KIRREL3: variants seen among roughly 807,000 people sequenced by gnomAD.
KIRREL3 encodes kin of IRRE-like protein 3.
KIRREL3 carries 36 observed loss-of-function variants against 89.7 expected under a neutral mutation model. The observed-to-expected ratio is 0.40, with a 90% CI of 0.31 to 0.53. KIRREL3 has a LOEUF of 0.53. Among genes scored for constraint, KIRREL3 ranks in the 20% least tolerant of loss-of-function variants. The pLI, the probability that KIRREL3 is intolerant of heterozygous loss-of-function variation, is 0.49. For missense variants in KIRREL3, 864 were observed against 1,056.6 expected, an observed-to-expected ratio of 0.82 and a Z score of 2.53; for synonymous variants, 445 against 441.4, an observed-to-expected ratio of 1.01 and a Z score of -0.10.
At chr11:126,494,053 G>A (rs1376755515) in intron 4 of KIRREL3, among the ~76,000 whole-genome samples, 1 of 152,146 alleles carries the variant, frequency 6.6e-6, no homozygotes, top group Non-Finnish European at 1.5e-5. Context: ...AAATCAGAAT[G>A]AATGTAAAAA....
At chr11:126,468,737 C>T (rs1276878203) in intron 5 of KIRREL3, among the ~76,000 whole-genome samples, 2 of 152,248 alleles carry the variant, frequency 1.3e-5, no homozygotes. Flanking sequence ...TTATCCAGTC[C>T]TTACTCCTGC....
chr11:126,833,398 A>G (rs73028458), intron 1 of KIRREL3, among the ~76,000 whole-genome samples: 6,852 of 152,330 alleles, frequency 0.045, 209 homozygotes, highest in Non-Finnish European at 0.065. Context: ...CTGCGCAGCC[A>G]GATGCAACCC....
rs543957153 is a variant in KIRREL3, at chr11:126,700,711, G to C, written c.56-137799C>G. 7.9e-5 allele frequency among the ~76,000 whole-genome samples: 12 copies of C among 152,240 alleles called. No individual in the cohort carries two copies. In the East Asian group the frequency reaches 2.1e-3, roughly 27 times the overall value. Reference sequence around the variant, plus strand: ...AGCCCAGGCATTGTCTTTTCTGTGAGACTCATCCCGCTATTCAGCAGGTGA... The same window carrying C: ...AGCCCAGGCATTGTCTTTTCTGTGACACTCATCCCGCTATTCAGCAGGTGA... On this transcript the variant is annotated intron_variant, in intron 1 of 16. Coordinates refer to ENST00000525144, the MANE Select transcript of KIRREL3 (RefSeq NM_032531.4).
intron 1 of KIRREL3, among the ~76,000 whole-genome samples, chr11:126,629,381 T>G (rs1240315058): frequency 1.3e-5 from 2 of 151,734 alleles, no homozygotes; most frequent in African/African-American, 4.8e-5. Flanking sequence ...AGTGAAGCTC[T>G]GGGGGGAGCT....
At chr11:126,699,948 C>G (rs1446365867) in intron 1 of KIRREL3, among the ~76,000 whole-genome samples, 2 of 152,066 alleles carry the variant, frequency 1.3e-5, no homozygotes, top group African/African-American at 4.8e-5. Context: ...AATCCCAACA[C>G]TTTGGGAGGC....
At position 126,526,647 on chromosome 11, in the gene KIRREL3, C is replaced by T. The variant is rs373309027; in HGVS notation, c.174G>A (p.Val58=). ...YSFSQQPQDQ[V]VVSGQPVTLL... is the part of the protein sequence containing the mutation. Reference sequence around the variant, plus strand: ...GCGTCACTGGCTGTCCCGACACCACCACCTGGTCCTGGGGCTGCTGGCTGA... The same window carrying T: ...GCGTCACTGGCTGTCCCGACACCACTACCTGGTCCTGGGGCTGCTGGCTGA... Residue 58 remains valine (V), a synonymous_variant, in exon 3 of 17, where the codon GTG becomes GTA. Coordinates refer to ENST00000525144, the MANE Select transcript of KIRREL3 (RefSeq NM_032531.4). This position sits in a 1 kb window ranked among gnomAD's most constrained non-coding sequence, Gnocchi z 5.7. 2.8e-4 allele frequency: 439 copies of T among 1,583,124 alleles called. No individual in the cohort carries two copies. The highest frequency in any genetic ancestry group is 3.1e-4 in the Non-Finnish European group (356 of 1,164,750).
Position 126,736,005 on chromosome 11 carries a change from C to T in KIRREL3, c.56-173093G>A, listed in dbSNP as rs1948787437. ...CCAGTTATTACTGCATTTATGAATCCTCAATTAGTCCTGACTTTGCTTGAG... is the reference window on the plus strand; with the variant it reads ...CCAGTTATTACTGCATTTATGAATCTTCAATTAGTCCTGACTTTGCTTGAG... On this transcript the variant is annotated intron_variant, in intron 1 of 16. Transcript: ENST00000525144. The surrounding 1 kb of genome is among the most constrained non-coding windows in gnomAD (Gnocchi z 5.0). Among the ~76,000 whole-genome samples, 1 of 152,186 alleles carries T rather than the reference C, an allele frequency of 6.6e-6. No homozygotes were observed. Among genetic ancestry groups the T allele is most frequent in the Non-Finnish European group, 1.5e-5 (1 of 68,030 alleles).
rs1173081134 is a variant in KIRREL3 at position 126,620,259 on chromosome 11, G to A, written c.56-57347C>T. 6.6e-6 allele frequency among the ~76,000 whole-genome samples: 1 copy of A among 151,640 alleles called. No individual in the cohort carries two copies. The highest frequency in any genetic ancestry group is 1.5e-5 in the Non-Finnish European group (1 of 67,912). ...CCCTTGTTCTTTGAATTGATCCTTG[G>A]ATTCTAGACCCAAGGTGGATTCTAG... On this transcript the variant is annotated intron_variant, in intron 1 of 16. Coordinates refer to ENST00000525144, the MANE Select transcript of KIRREL3 (RefSeq NM_032531.4). The surrounding 1 kb of genome is among the most constrained non-coding windows in gnomAD (Gnocchi z 4.8).
At chr11:126,875,551 G>A (rs1945253936) in intron 1 of KIRREL3, among the ~76,000 whole-genome samples, 4 of 152,212 alleles carry the variant, frequency 2.6e-5, no homozygotes, top group Admixed American at 2.6e-4. Flanking sequence ...AGACATTAGA[G>A]GTGAGCAAGG....
At position 126,550,036 on chromosome 11, in the gene KIRREL3, C is replaced by T. The variant is rs1211452855; in HGVS notation, c.133+12799G>A. On this transcript the variant is annotated intron_variant, in intron 2 of 16. Coordinates refer to ENST00000525144, the MANE Select transcript of KIRREL3 (RefSeq NM_032531.4). The surrounding 1 kb of genome is among the most constrained non-coding windows in gnomAD (Gnocchi z 4.9). ...TGTTTCCAATAGCTACTTATTCATA[C>T]CCGGTTACCGCAACTGCGACATTGT... The T allele has an allele frequency of 6.6e-6, 1 of 152,246 alleles. No homozygotes were observed. Among genetic ancestry groups the T allele is most frequent in the African/African-American group, 2.4e-5 (1 of 41,444 alleles). 9.4% of individuals were successfully genotyped at this position (152,246 alleles called of 1,614,324 possible).
Position 126,435,289 on chromosome 11 carries a change from A to G in KIRREL3, c.1567T>C (p.Ser523Pro), listed in dbSNP as rs1212862818. 1.1e-5 allele frequency: 18 copies of G among 1,613,446 alleles called. No individual in the cohort carries two copies. The highest frequency in any genetic ancestry group is 1.4e-5 in the Non-Finnish European group (17 of 1,179,746). The change falls in exon 13 of 17, where the codon TCG (serine) becomes CCG (proline). Residue 523 changes from serine (S) to proline (P), a missense_variant. Transcript: ENST00000525144. ...RLKEQGSEMK[S>P]GAGLEAESVP... is the part of the protein sequence containing the mutation. Reference sequence around the variant, plus strand: ...GTACCTGCTTCCAGCCCGGCTCCCGACTTCATTTCCGAACCTGTTTGGAAA... The same window carrying G: ...GTACCTGCTTCCAGCCCGGCTCCCGGCTTCATTTCCGAACCTGTTTGGAAA...
At chr11:126,493,696 T>C (rs1170322060) in intron 4 of KIRREL3, among the ~76,000 whole-genome samples, 2 of 145,822 alleles carry the variant, frequency 1.4e-5, no homozygotes, top group Non-Finnish European at 3.0e-5. Context: ...GAGCTGAACC[T>C]GAACTTCAAG....
chr11:126,787,486 T>C (rs1950518210), intron 1 of KIRREL3, among the ~76,000 whole-genome samples: 2 of 152,244 alleles, frequency 1.3e-5, no homozygotes, highest in Non-Finnish European at 2.9e-5. Context: ...TTGACAAAGC[T>C]GAAGAAGGGA....
intron 1 of KIRREL3, among the ~76,000 whole-genome samples, chr11:126,745,383 A>G (rs1189844201): frequency 6.6e-6 from 1 of 151,430 alleles, no homozygotes; most frequent in African/African-American, 2.4e-5. Context: ...TCAACATCTG[A>G]AAAAAAAAGA....
chr11:126,943,249 G>A lies in KIRREL3; in HGVS notation c.55+57206C>T, dbSNP rs140344178. Among the ~76,000 whole-genome samples the A allele has an allele frequency of 1.8e-3, 277 of 152,202 alleles. No homozygotes were observed. The highest frequency in any genetic ancestry group is 2.5e-3 in the East Asian group (13 of 5,168). On this transcript the variant is annotated intron_variant, in intron 1 of 16. Coordinates refer to ENST00000525144, the MANE Select transcript of KIRREL3 (RefSeq NM_032531.4). This position sits in a 1 kb window ranked among gnomAD's most constrained non-coding sequence, Gnocchi z 4.2. Reference sequence around the variant, plus strand: ...CAGCTCCCATGGTAAAACATTCACCGTCATTCTTTCTCTCTTCTCACTCAC... The same window carrying A: ...CAGCTCCCATGGTAAAACATTCACCATCATTCTTTCTCTCTTCTCACTCAC...
chr11:126,951,130 G>C (rs191500943), intron 1 of KIRREL3, among the ~76,000 whole-genome samples: 1 of 152,268 alleles, frequency 6.6e-6, no homozygotes, highest in Non-Finnish European at 1.5e-5. Context: ...ATATCTTTTG[G>C]GGGGCCATCA....
rs759531238 is a variant in KIRREL3, at chr11:126,561,065, G to A, written c.133+1770C>T. ...TCTGCAGACATGTTGGAGTTTGGGC[G>A]TATGAGCTTTAGAGAGAGAGAAATG... is the stretch of plus-strand genomic sequence containing the variant. On this transcript the variant is annotated intron_variant, in intron 2 of 16. Transcript: ENST00000525144. This position sits in a 1 kb window ranked among gnomAD's most constrained non-coding sequence, Gnocchi z 4.5. Among the ~76,000 whole-genome samples the A allele has an allele frequency of 1.1e-4, 17 of 152,180 alleles. No homozygotes were observed. Among genetic ancestry groups the A allele is most frequent in the Admixed American group, 6.5e-5 (1 of 15,282 alleles).
chr11:126,671,809 C>T (rs1945964118), intron 1 of KIRREL3, among the ~76,000 whole-genome samples: 1 of 152,218 alleles, frequency 6.6e-6, no homozygotes, highest in Admixed American at 6.5e-5. Context: ...CAGGAGCTCT[C>T]ATTCATTGCT....
At chr11:126,856,012 C>T (rs1944494106) in intron 1 of KIRREL3, among the ~76,000 whole-genome samples, 1 of 152,186 alleles carries the variant, frequency 6.6e-6, no homozygotes, top group Non-Finnish European at 1.5e-5. Flanking sequence ...CTTCCCTCTG[C>T]CTGCAGCCTA....
Sources: allele counts gnomAD v4.1 joint callset (sites outside exome capture counted in the v4.1 genomes callset), GRCh38; gene constraint gnomAD v4.1.1; non-coding constraint Gnocchi (gnomAD v3.1); transcripts MANE v1.5; gene names NCBI Gene and HGNC (gene_info 2026-07-23, HGNC 2026-07-21).